Variants in RABGAP1 observed in about 807,000 individuals in gnomAD.
RABGAP1 encodes rab GTPase-activating protein 1.
In RABGAP1, 23 loss-of-function variants were observed where a neutral mutation model predicts 137.6. That is an observed-to-expected ratio of 0.17 (90% confidence interval 0.12 to 0.24). The LOEUF (loss-of-function observed/expected upper bound fraction) is 0.24. RABGAP1 is among the 10% of genes least tolerant of loss of function. The pLI is 1.00. For missense variants in RABGAP1, 906 were observed against 1,275.8 expected (o/e 0.71, Z 4.42); for synonymous variants, 451 against 450.7 (o/e 1.00, Z -0.01).
intron 10 of RABGAP1, among the ~76,000 whole-genome samples, chr9:122,999,283 A>G (rs1051476458): frequency 7.2e-5 from 11 of 151,746 alleles, no homozygotes; most frequent in African/African-American, 2.4e-4. Flanking sequence ...TCCCGGGTTC[A>G]AGTGATTTTC....
chr9:122,974,009 CCAAAAAAA>C (rs1048172442), intron 2 of RABGAP1, among the ~76,000 whole-genome samples: 25 of 124,708 alleles, frequency 2.0e-4, no homozygotes, highest in African/African-American at 5.4e-4. Context: ...TCGTCTCAAA[CCAAAAAAA>C]AAAAAGAAAA....
Position 123,089,807 on chromosome 9 carries a change from G to C in RABGAP1, c.2474G>C (p.Arg825Thr). 6.2e-7 allele frequency: 1 copy of C among 1,613,834 alleles called. No individual in the cohort carries two copies. The highest frequency in any genetic ancestry group is 8.5e-7 in the Non-Finnish European group (1 of 1,179,830). Residue 825 changes from arginine to threonine, a missense_variant, in exon 20 of 26, where the codon AGG becomes ACG. By Grantham distance (71) the Arg-to-Thr change is moderately conservative (BLOSUM62 -1). Around this residue, in one of 9 missense-constraint regions of RABGAP1, gnomAD observed 77 missense variants for 105.6 expected, o/e 0.73. Coordinates refer to ENST00000373647, the MANE Select transcript of RABGAP1 (RefSeq NM_012197.4). ...KKYEKEYHTM[R>T]EQQAQQEDPI... The stretch of plus-strand genomic sequence containing the variant: ...TACGAGAAAGAATATCACACCATGA[G>C]GGAACAGCAGGCCCAGCAAGAAGAC...
chr9:123,002,176 C>G (rs1289015518), intron 10 of RABGAP1, among the ~76,000 whole-genome samples: 1 of 151,950 alleles, frequency 6.6e-6, no homozygotes, highest in Non-Finnish European at 1.5e-5. Context: ...TGGCGCATGC[C>G]TGTAATCCCA....
intron 13 of RABGAP1, among the ~76,000 whole-genome samples, chr9:123,057,261 C>G (rs1273163422): frequency 1.3e-5 from 2 of 148,714 alleles, no homozygotes; most frequent in Non-Finnish European, 3.0e-5. Flanking sequence ...TCAGATGGGG[C>G]GGCTGCTGGG....
intron 11 of RABGAP1, among the ~76,000 whole-genome samples, chr9:123,015,125 A>T (rs1458416965): frequency 6.6e-6 from 1 of 152,198 alleles, no homozygotes; most frequent in Non-Finnish European, 1.5e-5. Context: ...ATATATTATA[A>T]TTTCTTCAAC....
In RABGAP1 at chr9:123,070,234, G is replaced by A; in HGVS notation, c.1909-116G>A. On this transcript the variant is annotated intron_variant, in intron 14 of 25. Coordinates refer to ENST00000373647, the MANE Select transcript of RABGAP1 (RefSeq NM_012197.4). This position sits in a 1 kb window ranked among gnomAD's most constrained non-coding sequence, Gnocchi z 4.4. Reference sequence around the variant, plus strand: ...GGCACCACTTACTGTCTGTCAAAATGCTGTCCCAGTGTGGGTAGCATCCTC... The same window carrying A: ...GGCACCACTTACTGTCTGTCAAAATACTGTCCCAGTGTGGGTAGCATCCTC... 8.0e-6 allele frequency: 12 copies of A among 1,507,340 alleles called. No homozygotes were observed. Among genetic ancestry groups the A allele is most frequent in the Non-Finnish European group, 1.1e-5 (12 of 1,130,126 alleles). 93.4% of individuals were successfully genotyped at this position (1,507,340 alleles called of 1,614,324 possible). A position where few individuals can be genotyped will look rare whatever the true frequency, so the allele number is the denominator to read the frequency against.
upstream of RABGAP1, chr9:122,938,655 TTATATCTATTG>T (rs1312805243): frequency 6.6e-6 from 1 of 152,202 alleles, no homozygotes; most frequent in Non-Finnish European, 1.5e-5. Context: ...ACAATAAATG[TTATATCTATTG>T]TAGATACAAT....
At chr9:123,037,254 T>C (rs2032713881) in intron 13 of RABGAP1, among the ~76,000 whole-genome samples, 1 of 152,236 alleles carries the variant, frequency 6.6e-6, no homozygotes, top group African/African-American at 2.4e-5. Flanking sequence ...CTTATGATTT[T>C]AGGCTTTAGA....
intron 13 of RABGAP1, chr9:123,029,297 T>G (rs1293331266): frequency 3.5e-6 from 2 of 576,998 alleles, no homozygotes; most frequent in Non-Finnish European, 6.2e-6. Flanking sequence ...AATATGTTAA[T>G]TAATCAATGT....
intron 13 of RABGAP1, chr9:123,063,453 A>C (rs2132113973): frequency 6.5e-6 from 1 of 152,794 alleles, no homozygotes; most frequent in East Asian, 1.9e-4. Context: ...TTGTATGGTA[A>C]TTATGTGTTT....
chr9:122,951,773 A>G (rs966185550), intron 1 of RABGAP1, among the ~76,000 whole-genome samples: 5 of 152,070 alleles, frequency 3.3e-5, no homozygotes, highest in Admixed American at 6.6e-5. Context: ...GGATGTAACT[A>G]TATTGCCCAG....
At chr9:122,976,756 C>T (rs1302878257) in intron 2 of RABGAP1, among the ~76,000 whole-genome samples, 1 of 152,114 alleles carries the variant, frequency 6.6e-6, no homozygotes, top group African/African-American at 2.4e-5. Context: ...ACTCTCTAAA[C>T]AAATATTTTC....
In RABGAP1 at chr9:122,956,409, G is replaced by A. The variant is rs144285405; in HGVS notation, c.-49-602G>A. 3.9e-5 allele frequency among the ~76,000 whole-genome samples: 6 copies of A among 152,244 alleles called. No homozygotes were observed. In the East Asian group the frequency reaches 5.8e-4, roughly 15 times the overall value. ...ACATGTACAACTTTAAAAATTAGAC[G>A]GTAGGCCGAGACCGGCGGATCACGA... On this transcript the variant is annotated intron_variant, in intron 1 of 25. Transcript: ENST00000373647.
At chr9:122,997,944 G>C (rs1274145752) in intron 9 of RABGAP1, among the ~76,000 whole-genome samples, 3 of 152,108 alleles carry the variant, frequency 2.0e-5, no homozygotes, top group Non-Finnish European at 4.4e-5. Context: ...AATAGTTAAA[G>C]GATGTAAACA....
At position 123,059,583 on chromosome 9, in the gene RABGAP1, CA is replaced by C. The variant is rs564713778; in HGVS notation, c.1795-5757del. Among the ~76,000 whole-genome samples the C allele has an allele frequency of 1.8e-3, 273 of 151,764 alleles. 1 individual carries two copies. Among genetic ancestry groups the C allele is most frequent in the Non-Finnish European group, 3.4e-3 (230 of 67,868 alleles). On this transcript the variant is annotated intron_variant, in intron 13 of 25. Transcript: ENST00000373647. Reference sequence around the variant, plus strand: ...ATAAATAAAAATTAAAAAACAAAAACAAAAAAAACTAATCACTAATGTGATG... The same window carrying C: ...ATAAATAAAAATTAAAAAACAAAAACAAAAAAACTAATCACTAATGTGATG...
At chr9:123,066,415 G>A (rs577465370) in intron 14 of RABGAP1, among the ~76,000 whole-genome samples, 16 of 152,216 alleles carry the variant, frequency 1.1e-4, no homozygotes, top group African/African-American at 2.4e-4. Context: ...AGAAAGAAAC[G>A]CTATGTCCAC....
At chr9:123,051,216 GTTTTTTTTTTTTTTTTTTTTTTTTTT>G (rs552457119) in intron 13 of RABGAP1, among the ~76,000 whole-genome samples, 22 of 34,276 alleles carry the variant, frequency 6.4e-4, no homozygotes, top group South Asian at 1.9e-3. Flanking sequence ...ATTCACCTTG[GTTTTTTTTTTTTTTTTTTTTTTTTTT>G]TTTTTTTTTT....
At chr9:123,051,949 G>T (rs1332861577) in intron 13 of RABGAP1, among the ~76,000 whole-genome samples, 1 of 141,828 alleles carries the variant, frequency 7.1e-6, no homozygotes, top group Non-Finnish European at 1.5e-5. Context: ...CTGCCACCAC[G>T]CCCGGCTAAT....
intron 1 of RABGAP1, among the ~76,000 whole-genome samples, chr9:122,955,202 C>G (rs1320687165): frequency 6.6e-6 from 1 of 152,192 alleles, no homozygotes; most frequent in Non-Finnish European, 1.5e-5. Context: ...TAGCAAAGGT[C>G]TAAGTTAGTC....
Sources: gnomAD v4.1 joint callset for allele counts (sites outside exome capture counted in the v4.1 genomes callset) on GRCh38, gnomAD v4.1.1 for gene constraint, gnomAD v4.1.1 regional missense constraint, Gnocchi (gnomAD v3.1) non-coding constraint, MANE v1.5 for transcripts, NCBI Gene and HGNC (gene_info 2026-07-23, HGNC 2026-07-21) for gene names.